MFSD12: variants seen among roughly 807,000 people sequenced by gnomAD.
The protein encoded by MFSD12 is major facilitator superfamily domain-containing protein 12.
A neutral mutation model predicts 51.2 loss-of-function variants in MFSD12; 67 were observed. The ratio of observed to expected loss-of-function variants is 1.31; its 90% CI spans 1.08 to 1.60. The LOEUF (loss-of-function observed/expected upper bound fraction) is 1.60. Ranked by LOEUF, MFSD12 falls within the 40% of genes most tolerant of loss-of-function variation. MFSD12 has a pLI of 0.00. For missense variants in MFSD12, 921 were observed against 673.0 expected, an observed-to-expected ratio of 1.37 and a Z score of -4.08; for synonymous variants, 441 against 316.7, an observed-to-expected ratio of 1.39 and a Z score of -4.17.
At chr19:3,555,024 C>T (rs1397034939) in intron 1 of MFSD12, among the ~76,000 whole-genome samples, 3 of 152,204 alleles carry the variant, frequency 2.0e-5, no homozygotes, top group African/African-American at 4.8e-5. Context: ...CCTTGGTGTC[C>T]GGTTGGACCA....
intron 8 of MFSD12, 59 bp downstream of exon 8, chr19:3,546,015 C>T: frequency 6.4e-7 from 1 of 1,562,784 alleles, no homozygotes; most frequent in South Asian, 1.1e-5. Flanking sequence ...GGACACACAG[C>T]AGGCGCTTAA....
downstream of MFSD12, chr19:3,539,348 C>G: frequency 3.1e-6 from 2 of 644,036 alleles, no homozygotes; most frequent in South Asian, 3.2e-5. Context: ...GGTTTGGGGT[C>G]TTGCACGTGT....
rs1158133610 is a variant in MFSD12, at chr19:3,544,899, A to G, written c.1330T>C (p.Trp444Arg). 6.2e-7 allele frequency: 1 copy of G among 1,611,638 alleles called. No homozygotes were observed. The highest frequency in any genetic ancestry group is 1.3e-5 in the African/African-American group (1 of 74,870). The part of the protein sequence containing the change: ...CCRACVSFYH[W>R]AMVAVTGGVG... ...CCGCCCGTCACAGCCACCATCGCCC[A>G]GTGGTAAAAGCTCACGCAGGCCCTG... The change falls in exon 9 of 10, where the codon TGG (tryptophan) becomes CGG (arginine). Residue 444 changes from tryptophan (W) to arginine (R), a missense_variant. Transcript: ENST00000355415.
chr19:3,540,089 C>CTTTTTTTTTTTTTTTTT (rs770199097), downstream of MFSD12: 3 of 88,188 alleles, frequency 3.4e-5, no homozygotes, highest in African/African-American at 1.2e-4. Flanking sequence ...CATCTCTTTT[C>CTTTTTTTTTTTTTTTTT]TTTTTTTTTT....
chr19:3,548,361 C>T (rs1292117407), intron 2 of MFSD12, 94 bp from the exon 3 acceptor site: 2 of 1,473,844 alleles, frequency 1.4e-6, no homozygotes, highest in Non-Finnish European at 9.0e-7. Flanking sequence ...CCTGGGGAAC[C>T]CCTGACTGAC....
rs749412234 is a variant in MFSD12 at position 3,547,844 on chromosome 19, G to C, written c.837+4C>G. The C allele has an allele frequency of 3.3e-6, 5 of 1,494,292 alleles. No individual in the cohort carries two copies. The highest frequency in any genetic ancestry group is 2.5e-5 in the East Asian group (1 of 40,742). 92.6% of individuals were successfully genotyped at this position (1,494,292 alleles called of 1,614,324 possible). A position where few individuals can be genotyped will look rare whatever the true frequency, so the allele number is the denominator to read the frequency against. ...ACGCCAGCCCCACCGTCCCCAGCAC[G>C]CACCTGGTAGAAAGCCGGCTCCCGG... On this transcript the variant is annotated splice_donor_region_variant and intron_variant, in intron 4 of 9. Coordinates refer to ENST00000355415, the MANE Select transcript of MFSD12 (RefSeq NM_174983.5).
chr19:3,555,506 A>G (rs541160924), intron 1 of MFSD12, among the ~76,000 whole-genome samples: 1 of 152,284 alleles, frequency 6.6e-6, no homozygotes, highest in East Asian at 1.9e-4. Flanking sequence ...CAACGTAACC[A>G]CAAAGGAAGG....
At position 3,551,686 on chromosome 19, in the gene MFSD12, G is replaced by C. The variant is rs984983580; in HGVS notation, c.299-492C>G. Among the ~76,000 whole-genome samples, 1 of 152,154 alleles carries C rather than the reference G, an allele frequency of 6.6e-6. No homozygotes were observed. The highest frequency in any genetic ancestry group is 2.1e-4 in the South Asian group (1 of 4,828). ...CAGGAAATAGCACCCGCCCCCACCTGAGATCTGCGGTGGCAAGGCCTGGCT... is the reference window on the plus strand; with the variant it reads ...CAGGAAATAGCACCCGCCCCCACCTCAGATCTGCGGTGGCAAGGCCTGGCT... On this transcript the variant is annotated intron_variant, in intron 1 of 9. Coordinates refer to ENST00000355415, the MANE Select transcript of MFSD12 (RefSeq NM_174983.5). The surrounding 1 kb of genome is among the most constrained non-coding windows in gnomAD (Gnocchi z 4.6).
Position 3,547,153 on chromosome 19 carries a change from T to TA in MFSD12, c.1023+118dup, listed in dbSNP as rs2031129138. ...GTGCCCGGCCTAGATCTGGGGCTTC[T>TA]ACAAGGCGGGAACTCGGAGGCCTGA... On this transcript the variant is annotated intron_variant, in intron 6 of 9. Coordinates refer to ENST00000355415, the MANE Select transcript of MFSD12 (RefSeq NM_174983.5). 3 of 901,178 alleles carry TA rather than the reference T, an allele frequency of 3.3e-6. No individual in the cohort carries two copies. In the Admixed American group the frequency reaches 5.5e-5, roughly 17 times the overall value. The allele number at this position is 901,178 out of a possible 1,614,324, so 55.8% of individuals were successfully genotyped here.
In MFSD12 at chr19:3,544,633, C is replaced by T; in HGVS notation, c.*77G>A. ...AGAGAAGAGTGAGGGGCAGTGGGGG[C>T]TTTTCCCCAAGGCCCTGGGGGGCAT... On this transcript the variant is annotated 3_prime_UTR_variant, in exon 10 of 10. Coordinates refer to ENST00000355415, the MANE Select transcript of MFSD12 (RefSeq NM_174983.5). The T allele has an allele frequency of 6.6e-7, 1 of 1,522,232 alleles. No individual in the cohort carries two copies. Among genetic ancestry groups the T allele is most frequent in the Non-Finnish European group, 8.8e-7 (1 of 1,133,114 alleles). 94.3% of individuals were successfully genotyped at this position (1,522,232 alleles called of 1,614,324 possible).
chr19:3,557,386 T>A lies in MFSD12; in HGVS notation c.18A>T (p.Pro6=), dbSNP rs2031791166. 7.1e-7 allele frequency: 1 copy of A among 1,409,872 alleles called. No individual in the cohort carries two copies. The highest frequency in any genetic ancestry group is 1.5e-5 in the African/African-American group (1 of 65,854). 87.3% of individuals were successfully genotyped at this position (1,409,872 alleles called of 1,614,324 possible). The change falls in exon 1 of 10, where the codon CCA becomes CCT. Residue 6 remains proline, a synonymous_variant. Coordinates refer to ENST00000355415, the MANE Select transcript of MFSD12 (RefSeq NM_174983.5). MGPGP[P]AAGAAPSPRP... ...GCGGGGACGGCGCCGCTCCGGCCGC[T>A]GGGGGTCCCGGGCCCATCGCGGCGC...
intron 6 of MFSD12, 101 bp from the exon 7 acceptor site, chr19:3,546,526 G>T: frequency 7.3e-7 from 1 of 1,372,398 alleles, no homozygotes; most frequent in Non-Finnish European, 9.9e-7. Flanking sequence ...AACAAGGCAT[G>T]AGCTGGATGG....
In MFSD12 at chr19:3,547,830, A is replaced by AC; in HGVS notation, c.837+17dup. 6.8e-7 allele frequency: 1 copy of AC among 1,477,252 alleles called. No individual in the cohort carries two copies. The highest frequency in any genetic ancestry group is 9.0e-7 in the Non-Finnish European group (1 of 1,116,302). The allele number at this position is 1,477,252 out of a possible 1,614,324, so 91.5% of individuals were successfully genotyped here. The stretch of plus-strand genomic sequence containing the variant: ...GGGAGAGAAGGCCCACGCCAGCCCC[A>AC]CCGTCCCCAGCACGCACCTGGTAGA... On this transcript the variant is annotated intron_variant, in intron 4 of 9. Coordinates refer to ENST00000355415, the MANE Select transcript of MFSD12 (RefSeq NM_174983.5).
chr19:3,550,889 T>G, intron 2 of MFSD12, 95 bp downstream of exon 2: 1 of 1,018,584 alleles, frequency 9.8e-7, no homozygotes, highest in Non-Finnish European at 1.5e-6. Context: ...GGTCTCGAGC[T>G]GCCGAGTCTG....
downstream of MFSD12, chr19:3,542,195 A>T: frequency 3.0e-6 from 3 of 985,404 alleles, no homozygotes; most frequent in Non-Finnish European, 3.6e-6. Flanking sequence ...TGATCTTGAA[A>T]TTGCCTTTCT....
At chr19:3,555,101 T>C (rs1241410597) in intron 1 of MFSD12, among the ~76,000 whole-genome samples, 1 of 152,196 alleles carries the variant, frequency 6.6e-6, no homozygotes, top group African/African-American at 2.4e-5. Flanking sequence ...TTTGTTTTCT[T>C]GTTTTGGTTT....
At chr19:3,546,715 A>G (rs993423775) in intron 6 of MFSD12, among the ~76,000 whole-genome samples, 12 of 152,222 alleles carry the variant, frequency 7.9e-5, no homozygotes, top group African/African-American at 2.4e-4. Flanking sequence ...CCACGGCCAC[A>G]TTTCAAGCCC....
Position 3,546,421 on chromosome 19 carries a change from G to T in MFSD12, c.1028C>A (p.Thr343Asn), listed in dbSNP as rs769157435. ...PINKCIGRNM[T>N]YFSGLLVILA... ...GATCACCAGGAGGCCTGAGAAGTAG[G>T]TCATCTGCAGGGACAGCCCCGGGGT... Residue 343 changes from threonine to asparagine, a missense_variant, in exon 7 of 10, where the codon ACC becomes AAC. Thr to Asn is a moderately conservative substitution (Grantham distance 65). Coordinates refer to ENST00000355415, the MANE Select transcript of MFSD12 (RefSeq NM_174983.5). The T allele has an allele frequency of 6.2e-7, 1 of 1,604,456 alleles. No homozygotes were observed. Among genetic ancestry groups the T allele is most frequent in the Non-Finnish European group, 8.5e-7 (1 of 1,176,264 alleles).
At chr19:3,545,535 G>A (rs1450432677) in intron 8 of MFSD12, among the ~76,000 whole-genome samples, 1 of 152,236 alleles carries the variant, frequency 6.6e-6, no homozygotes, top group African/African-American at 2.4e-5. Context: ...TCCTGCAGGT[G>A]TCAGGGCCAC....
Sources: gnomAD v4.1 joint callset for allele counts (sites outside exome capture counted in the v4.1 genomes callset) on GRCh38, gnomAD v4.1.1 for gene constraint, Gnocchi (gnomAD v3.1) non-coding constraint, MANE v1.5 for transcripts, NCBI Gene and HGNC (gene_info 2026-07-23, HGNC 2026-07-21) for gene names.